CDYL: variants seen among roughly 807,000 people sequenced by gnomAD.
The protein encoded by CDYL is chromodomain Y like.
Under a neutral mutation model 47.3 loss-of-function variants are expected in CDYL, and 8 were observed. That is an observed-to-expected ratio of 0.17 (90% CI 0.10 to 0.31). CDYL has a LOEUF of 0.31. CDYL is among the 10% of genes least tolerant of loss of function. The pLI, the probability that CDYL is intolerant of heterozygous loss-of-function variation, is 1.00. For synonymous variants in CDYL, 266 were observed against 265.0 expected (o/e 1.00, Z -0.04); for missense variants, 471 against 701.4 (o/e 0.67, Z 3.71).
At chr6:4,891,465 C>T (rs1016535471) in intron 1 of CDYL, among the ~76,000 whole-genome samples, 107 of 152,314 alleles carry the variant, frequency 7.0e-4, no homozygotes, top group African/African-American at 2.4e-3. Flanking sequence ...CTTTCAGTCA[C>T]AAGAAACATA....
intron 1 of CDYL, among the ~76,000 whole-genome samples, chr6:4,864,579 A>G (rs808600): frequency 0.21 from 32,362 of 152,014 alleles, 5,050 homozygotes; most frequent in African/African-American, 0.45. Flanking sequence ...ACGTGTTGTG[A>G]TAGGGACCCA....
In CDYL at chr6:4,955,355, G is replaced by A. The variant is rs181501658; in HGVS notation, c.*1299G>A. The A allele has an allele frequency of 3.3e-5, 5 of 152,730 alleles. No individual in the cohort carries two copies. The highest frequency in any genetic ancestry group is 3.9e-4 in the East Asian group (2 of 5,192). The allele number at this position is 152,730 out of a possible 1,614,324, so 9.5% of individuals were successfully genotyped here. ...TAGAACTGACCACCTCCCCGGCCAC[G>A]CGGAGAGCTGTACAGTGTGTAAATC... On this transcript the variant is annotated 3_prime_UTR_variant, in exon 7 of 7. Coordinates refer to ENST00000397588, the MANE Select transcript of CDYL (RefSeq NM_004824.4).
Position 4,952,392 on chromosome 6 carries a change from G to A in CDYL, c.1459G>A (p.Ala487Thr). The change falls in exon 6 of 7, where the codon GCC becomes ACC. Residue 487 changes from alanine to threonine, a missense_variant. Ala to Thr is a moderately conservative substitution (Grantham distance 58, BLOSUM62 0). This residue lies in a region of CDYL where 57 missense variants were observed against 74.3 expected (regional missense o/e 0.77). Transcript: ENST00000397588. ...QEVMVRIKELASCNPVVLEES... is the reference protein window; with the variant it reads ...QEVMVRIKELTSCNPVVLEES... ...AGTGATGGTTCGCATTAAGGAGCTT[G>A]CCTCGTGCAATCCAGTTGTATGTCT... The A allele has an allele frequency of 6.2e-7, 1 of 1,613,796 alleles. No individual in the cohort carries two copies. Among genetic ancestry groups the A allele is most frequent in the Non-Finnish European group, 8.5e-7 (1 of 1,179,890 alleles).
In CDYL at chr6:4,824,754, T is replaced by A. The variant is rs540961211; in HGVS notation, c.24+47947T>A. Among the ~76,000 whole-genome samples the A allele has an allele frequency of 4.2e-4, 64 of 152,326 alleles. 1 individual carries two copies. Among genetic ancestry groups the A allele is most frequent in the African/African-American group, 1.5e-3 (64 of 41,570 alleles). On this transcript the variant is annotated intron_variant, in intron 1 of 6. Coordinates refer to ENST00000397588, the MANE Select transcript of CDYL (RefSeq NM_004824.4). ...CTATTTTTTTTTCTTTTGCTGTTCA[T>A]CCTTTGGGTGACATATCCAACTGTT... is the stretch of plus-strand genomic sequence containing the variant.
chr6:4,833,032 T>G (rs1475324219), intron 1 of CDYL, among the ~76,000 whole-genome samples: 1 of 149,906 alleles, frequency 6.7e-6, no homozygotes, highest in Non-Finnish European at 1.5e-5. Flanking sequence ...AGCTCCTGGA[T>G]TCATTAATTT....
At chr6:4,910,157 A>G (rs1046563840) in intron 2 of CDYL, among the ~76,000 whole-genome samples, 9 of 151,920 alleles carry the variant, frequency 5.9e-5, no homozygotes, top group African/African-American at 2.2e-4. Context: ...CCACAGTTCT[A>G]GTTGCATGCT....
intron 2 of CDYL, chr6:4,928,651 CT>C (rs1757948640): frequency 6.6e-6 from 1 of 151,994 alleles, no homozygotes; most frequent in African/African-American, 2.4e-5. Flanking sequence ...AATTTTCTTT[CT>C]TTTCTCTGTG....
intron 1 of CDYL, among the ~76,000 whole-genome samples, chr6:4,886,037 G>T (rs1415230075): frequency 6.6e-6 from 1 of 152,126 alleles, no homozygotes; most frequent in Non-Finnish European, 1.5e-5. Flanking sequence ...ATAGCGTAAG[G>T]TTTTTAAAGT....
At chr6:4,808,715 C>A (rs1759439822) in intron 1 of CDYL, among the ~76,000 whole-genome samples, 1 of 152,238 alleles carries the variant, frequency 6.6e-6, no homozygotes, top group Admixed American at 6.5e-5. Flanking sequence ...ACATGGTTTG[C>A]TGACTCTTAA....
chr6:4,850,279 T>C (rs1760784673), intron 1 of CDYL, among the ~76,000 whole-genome samples: 1 of 152,174 alleles, frequency 6.6e-6, no homozygotes, highest in African/African-American at 2.4e-5. Flanking sequence ...TACACAAAAC[T>C]CTGTTCTCAT....
intron 1 of CDYL, among the ~76,000 whole-genome samples, chr6:4,856,986 A>G (rs113737926): frequency 0.035 from 5,347 of 152,274 alleles, 320 homozygotes; most frequent in African/African-American, 0.12. Flanking sequence ...TTTCTCAGCC[A>G]GCCGGGGGAA....
chr6:4,777,228 G>A (rs61531947), intron 1 of CDYL, among the ~76,000 whole-genome samples: 25,531 of 151,544 alleles, frequency 0.17, 2,276 homozygotes, highest in Middle Eastern at 0.2. Context: ...CCCCTGGTCG[G>A]GGGGTGGCGG....
At chr6:4,843,019 G>A (rs1202356703) in intron 1 of CDYL, among the ~76,000 whole-genome samples, 3 of 152,148 alleles carry the variant, frequency 2.0e-5, no homozygotes, top group Non-Finnish European at 4.4e-5. Context: ...GATTCTCTCA[G>A]TATTTGTCTT....
intron 1 of CDYL, among the ~76,000 whole-genome samples, chr6:4,885,540 G>T (rs552444326): frequency 3.9e-5 from 6 of 152,288 alleles, no homozygotes; most frequent in Admixed American, 6.5e-5. Flanking sequence ...CCACTGATAA[G>T]GGGTGACTGT....
intron 1 of CDYL, among the ~76,000 whole-genome samples, chr6:4,829,216 T>C (rs1760065414): frequency 6.6e-6 from 1 of 152,218 alleles, no homozygotes; most frequent in African/African-American, 2.4e-5. Flanking sequence ...TCAGATTTTC[T>C]TCCTTGTTTT....
chr6:4,903,558 C>T (rs1428849580), intron 2 of CDYL, among the ~76,000 whole-genome samples: 1 of 152,368 alleles, frequency 6.6e-6, no homozygotes, highest in African/African-American at 2.4e-5. Context: ...AAAGAACCCA[C>T]ACGATGCACA....
At chr6:4,719,381 A>G (rs1264064850) in intron 2 of CDYL, among the ~76,000 whole-genome samples, 1 of 152,100 alleles carries the variant, frequency 6.6e-6, no homozygotes, top group Non-Finnish European at 1.5e-5. Flanking sequence ...TTGTCCTTAA[A>G]TTTAACATCA....
At chr6:4,834,843 C>T (rs551856894) in intron 1 of CDYL, among the ~76,000 whole-genome samples, 2 of 152,072 alleles carry the variant, frequency 1.3e-5, no homozygotes, top group African/African-American at 4.8e-5. Flanking sequence ...ATCGCTGATA[C>T]CCTTTCTTCC....
upstream of CDYL, chr6:4,776,385 T>C (rs1165396591): frequency 1.4e-5 from 2 of 143,824 alleles, no homozygotes; most frequent in African/African-American, 5.0e-5. Flanking sequence ...GCATGCTCAG[T>C]AGCCGGGGCA....
Sources: allele counts gnomAD v4.1 joint callset (sites outside exome capture counted in the v4.1 genomes callset), GRCh38; gene constraint gnomAD v4.1.1; regional missense constraint gnomAD v4.1.1; transcripts MANE v1.5; gene names NCBI Gene and HGNC (gene_info 2026-07-23, HGNC 2026-07-21).